The following SH3YL1 variants were observed in gnomAD, a reference collection of about 807,000 sequenced individuals.
SH3YL1 encodes SH3 and SYLF domain containing 1, also known as SH3 domain-containing YSC84-like protein 1.
Under a neutral mutation model 45.8 loss-of-function variants are expected in SH3YL1, and 41 were observed. The ratio of observed to expected loss-of-function variants is 0.89; its 90% CI spans 0.70 to 1.16. The LOEUF (loss-of-function observed/expected upper bound fraction) is 1.16. SH3YL1 is among the 50% of genes most tolerant of loss of function. The pLI, the probability that SH3YL1 is intolerant of heterozygous loss-of-function variation, is 0.00. For missense variants in SH3YL1, 389 were observed against 409.6 expected (o/e 0.95, Z 0.43); for synonymous variants, 152 against 151.4 (o/e 1.00, Z -0.03).
chr2:251,013 A>G (rs1669049881), intron 2 of SH3YL1, among the ~76,000 whole-genome samples: 1 of 152,188 alleles, frequency 6.6e-6, no homozygotes, highest in South Asian at 2.1e-4. Context: ...TCTTCCTCAC[A>G]TTCTGTTCTC....
intron 8 of SH3YL1, among the ~76,000 whole-genome samples, chr2:228,877 G>A (rs1442921214): frequency 6.6e-6 from 1 of 152,166 alleles, no homozygotes; most frequent in African/African-American, 2.4e-5. Flanking sequence ...GAAAATTAAG[G>A]AGGAGGCCGA....
chr2:264,066 GC>G (rs1348154833), upstream of SH3YL1: 9 of 1,350,804 alleles, frequency 6.7e-6, no homozygotes, highest in East Asian at 3.1e-5. Context: ...GGACAAGGAG[GC>G]CCCAGCGAGG....
In SH3YL1 at chr2:263,992, G is replaced by A; in HGVS notation, c.-8C>T. 3.4e-6 allele frequency: 5 copies of A among 1,457,346 alleles called. No individual in the cohort carries two copies. Among genetic ancestry groups the A allele is most frequent in the Non-Finnish European group, 4.5e-6 (5 of 1,099,238 alleles). 90.3% of individuals were successfully genotyped at this position (1,457,346 alleles called of 1,614,324 possible). On this transcript the variant is annotated 5_prime_UTR_variant, in exon 1 of 10. Transcript: ENST00000356150. ...GGTCCCCGGGTACTCACTGCTGCCC[G>A]CCCGGCCGCGGCGCCCCGTCCCGAG...
chr2:243,626 G>T lies in SH3YL1; in HGVS notation c.291+3912C>A, dbSNP rs901693572. 2.0e-6 allele frequency: 3 copies of T among 1,494,844 alleles called. No individual in the cohort carries two copies. In the African/African-American group the frequency reaches 4.3e-5, roughly 21 times the overall value. The allele number at this position is 1,494,844 out of a possible 1,614,324, so 92.6% of individuals were successfully genotyped here. On this transcript the variant is annotated intron_variant, in intron 4 of 9. Coordinates refer to ENST00000356150, the MANE Select transcript of SH3YL1 (RefSeq NM_015677.4). ...ACTACCTATCAACATGGACGAAGAA[G>T]AGTTTAACTAAACTTTAAGCAACAG...
chr2:251,267 T>G (rs1371519876), intron 2 of SH3YL1, among the ~76,000 whole-genome samples: 1 of 152,222 alleles, frequency 6.6e-6, no homozygotes, highest in Non-Finnish European at 1.5e-5. Context: ...AATCCTAACA[T>G]TAGAGGAGGC....
At chr2:255,163 T>G (rs1332660731) in intron 1 of SH3YL1, among the ~76,000 whole-genome samples, 1 of 152,208 alleles carries the variant, frequency 6.6e-6, no homozygotes, top group South Asian at 2.1e-4. Flanking sequence ...GTGTCAGAGC[T>G]CATGTATAAA....
chr2:263,871 G>A, intron 1 of SH3YL1, 113 bp downstream of exon 1: 2 of 889,424 alleles, frequency 2.2e-6, no homozygotes, highest in East Asian at 3.0e-5. Flanking sequence ...TAACAGACGC[G>A]CGACCTAGAA....
chr2:240,916 G>A (rs1190783972), intron 4 of SH3YL1: 7 of 152,186 alleles, frequency 4.6e-5, no homozygotes, highest in African/African-American at 1.7e-4. Flanking sequence ...GAGGCTCCTA[G>A]GGGGAGAGGT....
chr2:263,901 T>C, intron 1 of SH3YL1, 83 bp downstream of exon 1: 1 of 1,248,448 alleles, frequency 8.0e-7, no homozygotes, highest in Admixed American at 2.0e-5. Context: ...GCATCGCCGG[T>C]TTTCCCGTCC....
At chr2:252,404 A>G (rs1669107850) in intron 2 of SH3YL1, among the ~76,000 whole-genome samples, 1 of 152,186 alleles carries the variant, frequency 6.6e-6, no homozygotes, top group Non-Finnish European at 1.5e-5. Context: ...AGAGAGCTCA[A>G]GTGGAGCAGG....
At chr2:253,291 A>G (rs34931255) in intron 1 of SH3YL1, among the ~76,000 whole-genome samples, 176 bp from the exon 2 acceptor site, 40,410 of 152,076 alleles carry the variant, frequency 0.27, 6,621 homozygotes, top group African/African-American at 0.43. Flanking sequence ...CATTCCCAGA[A>G]GGTTAGGCAT....
At chr2:243,465 A>G in intron 4 of SH3YL1, 1 of 1,487,684 alleles carries the variant, frequency 6.7e-7, no homozygotes, top group East Asian at 2.6e-5. Context: ...GAAATTAGAT[A>G]ATATTTTGAG....
intron 5 of SH3YL1, 60 bp downstream of exon 5, chr2:234,100 G>T: frequency 8.1e-7 from 1 of 1,231,096 alleles, no homozygotes. Context: ...TCCTATTAAT[G>T]CAAAATAAAA....
At chr2:226,097 AT>A (rs1307765017) in intron 8 of SH3YL1, among the ~76,000 whole-genome samples, 11 of 152,206 alleles carry the variant, frequency 7.2e-5, no homozygotes, top group African/African-American at 2.4e-4. Context: ...AGATAAAAAA[AT>A]CACAAGAAAA....
At chr2:251,329 T>C (rs373425651) in intron 2 of SH3YL1, among the ~76,000 whole-genome samples, 19 of 152,346 alleles carry the variant, frequency 1.2e-4, no homozygotes, top group East Asian at 9.6e-4. Context: ...TTTAAATATT[T>C]TGTAGATGCA....
intron 4 of SH3YL1, among the ~76,000 whole-genome samples, chr2:235,174 C>T (rs1233320599): frequency 2.6e-5 from 4 of 152,246 alleles, no homozygotes; most frequent in South Asian, 2.1e-4. Flanking sequence ...CTGAGCCCAG[C>T]TGACTTAATT....
intron 9 of SH3YL1, among the ~76,000 whole-genome samples, chr2:224,160 T>TGA: frequency 6.6e-6 from 1 of 152,344 alleles, no homozygotes; most frequent in Admixed American, 6.5e-5. Context: ...CAGGCTATTT[T>TGA]ATGATTGTTT....
chr2:233,034 A>G, intron 6 of SH3YL1, 67 bp downstream of exon 6: 5 of 1,387,556 alleles, frequency 3.6e-6, no homozygotes, highest in Non-Finnish European at 3.8e-6. Context: ...TCTGCAAATT[A>G]TATCAACTTT....
intron 7 of SH3YL1, chr2:230,255 T>C (rs577215069): frequency 5.0e-5 from 19 of 377,538 alleles, no homozygotes; most frequent in Non-Finnish European, 8.1e-5. Flanking sequence ...GCTCTTCTCA[T>C]GCCTGGAAGC....
Sources: allele counts gnomAD v4.1 joint callset (sites outside exome capture counted in the v4.1 genomes callset), GRCh38; gene constraint gnomAD v4.1.1; transcripts MANE v1.5; gene names NCBI Gene and HGNC (gene_info 2026-07-23, HGNC 2026-07-21).